Variants in CCDC102B observed in about 807,000 individuals in gnomAD.
The protein encoded by CCDC102B is coiled-coil domain-containing protein 102B.
CCDC102B carries 75 observed loss-of-function variants against 57.4 expected under a neutral mutation model. The observed-to-expected ratio is 1.31, with a 90% confidence interval of 1.08 to 1.58. CCDC102B has a LOEUF of 1.58. Ranked by LOEUF, CCDC102B falls within the 40% of genes most tolerant of loss-of-function variation. The pLI is 0.00. For missense variants in CCDC102B, 636 were observed against 582.6 expected, an observed-to-expected ratio of 1.09 and a Z score of -0.94; for synonymous variants, 206 against 201.9, an observed-to-expected ratio of 1.02 and a Z score of -0.17.
At chr18:68,980,453 T>G (rs1462012313) in intron 6 of CCDC102B, among the ~76,000 whole-genome samples, 1 of 151,896 alleles carries the variant, frequency 6.6e-6, no homozygotes, top group African/African-American at 2.4e-5. Flanking sequence ...GCAGTTTATA[T>G]TATAGGACAT....
intron 6 of CCDC102B, among the ~76,000 whole-genome samples, chr18:68,927,720 C>A (rs1273399078): frequency 2.6e-5 from 4 of 151,866 alleles, no homozygotes; most frequent in Non-Finnish European, 4.4e-5. Context: ...CAGAAATTAC[C>A]CAATGCACTG....
At chr18:69,034,334 A>G (rs1192445308) in intron 7 of CCDC102B, among the ~76,000 whole-genome samples, 1 of 151,888 alleles carries the variant, frequency 6.6e-6, no homozygotes, top group Non-Finnish European at 1.5e-5. Flanking sequence ...TAAGGGTTTT[A>G]TAGTTTTAGC....
At chr18:68,980,857 A>G (rs1308946402) in intron 6 of CCDC102B, among the ~76,000 whole-genome samples, 1 of 152,064 alleles carries the variant, frequency 6.6e-6, no homozygotes, top group Non-Finnish European at 1.5e-5. Context: ...TCGTATGGAC[A>G]CTGGATTTTA....
intron 2 of CCDC102B, chr18:68,754,063 A>G (rs2033958231): frequency 1.3e-5 from 2 of 152,302 alleles, no homozygotes; most frequent in African/African-American, 4.8e-5. Flanking sequence ...CAATCTATCA[A>G]TACTGTTGTA....
intron 7 of CCDC102B, among the ~76,000 whole-genome samples, chr18:69,046,929 A>C (rs996661370): frequency 1.3e-5 from 2 of 151,674 alleles, no homozygotes; most frequent in Non-Finnish European, 2.9e-5. Flanking sequence ...TATTTCTGGG[A>C]TCTCTATTCT....
intron 5 of CCDC102B, among the ~76,000 whole-genome samples, chr18:68,896,533 A>G (rs2040247853): frequency 1.3e-5 from 2 of 151,966 alleles, no homozygotes; most frequent in African/African-American, 4.8e-5. Context: ...CAACAGCTTA[A>G]CTTACCCATT....
At chr18:68,913,310 C>CTGTGTGTGTGTGTG (rs57064090) in intron 6 of CCDC102B, among the ~76,000 whole-genome samples, 16,963 of 135,368 alleles carry the variant, frequency 0.13, 1,298 homozygotes, top group East Asian at 0.25. Flanking sequence ...TGGTTAGTGT[C>CTGTGTGTGTGTGTG]TGTGTGTGTG....
intron 6 of CCDC102B, among the ~76,000 whole-genome samples, chr18:68,907,846 G>A (rs2040701096): frequency 6.6e-6 from 1 of 152,128 alleles, no homozygotes; most frequent in East Asian, 1.9e-4. Context: ...ATGGAAGGAG[G>A]CACGCTTGTA....
rs2037408884 is a variant in CCDC102B at position 68,837,004 on chromosome 18, G to A, written c.241G>A (p.Val81Ile). The A allele has an allele frequency of 6.2e-7, 1 of 1,614,188 alleles. No homozygotes were observed. Among genetic ancestry groups the A allele is most frequent in the Non-Finnish European group, 8.5e-7 (1 of 1,180,046 alleles). ...ACTTCGCCTGCGGGAGCTTGAAGAAGTCAAGGCCAGAGCTGCTCAGATGGA... is the reference window on the plus strand; with the variant it reads ...ACTTCGCCTGCGGGAGCTTGAAGAAATCAAGGCCAGAGCTGCTCAGATGGA... ...EELRLRELEE[V>I]KARAAQMEKT... is the part of the protein sequence containing the mutation. The change falls in exon 2 of 8, where the codon GTC becomes ATC. Residue 81 changes from valine (V) to isoleucine (I), a missense_variant. Physicochemically the swap from Val to Ile is conservative, Grantham distance 29. Coordinates refer to ENST00000360242, the MANE Select transcript of CCDC102B (RefSeq NM_024781.3).
intron 2 of CCDC102B, among the ~76,000 whole-genome samples, chr18:68,734,198 G>C (rs1199807725): frequency 6.6e-6 from 1 of 152,200 alleles, no homozygotes; most frequent in South Asian, 2.1e-4. Flanking sequence ...GGGAGGAACA[G>C]AAGAGAATAG....
At chr18:68,865,973 A>G (rs1005583961) in intron 4 of CCDC102B, among the ~76,000 whole-genome samples, 7 of 152,152 alleles carry the variant, frequency 4.6e-5, no homozygotes, top group African/African-American at 1.7e-4. Flanking sequence ...TGTGTGATCA[A>G]TTTTCTTAAT....
intron 6 of CCDC102B, among the ~76,000 whole-genome samples, chr18:68,927,795 G>C (rs1599704887): frequency 6.6e-6 from 1 of 151,900 alleles, no homozygotes; most frequent in East Asian, 1.9e-4. Flanking sequence ...TATCTAGGGA[G>C]AGAAAGGAGG....
chr18:68,952,615 A>C (rs992549832), intron 6 of CCDC102B, among the ~76,000 whole-genome samples: 1 of 152,110 alleles, frequency 6.6e-6, no homozygotes, highest in Non-Finnish European at 1.5e-5. Context: ...GCCTGTGGTA[A>C]AGAGAAAAGC....
chr18:68,967,877 T>G (rs1156445960), intron 6 of CCDC102B, among the ~76,000 whole-genome samples: 1 of 152,118 alleles, frequency 6.6e-6, no homozygotes, highest in Non-Finnish European at 1.5e-5. Context: ...AGGGAGTCAT[T>G]TTTTGTATAA....
chr18:69,028,520 T>C (rs1337928972), intron 7 of CCDC102B, among the ~76,000 whole-genome samples: 1 of 152,170 alleles, frequency 6.6e-6, no homozygotes, highest in Non-Finnish European at 1.5e-5. Flanking sequence ...CCATCACTCA[T>C]GTAATGACTG....
chr18:68,749,627 G>A (rs916369498), intron 2 of CCDC102B, among the ~76,000 whole-genome samples: 4 of 152,134 alleles, frequency 2.6e-5, no homozygotes, highest in Non-Finnish European at 5.9e-5. Context: ...CACTGATTTT[G>A]TATCCTGAGA....
intron 6 of CCDC102B, among the ~76,000 whole-genome samples, chr18:68,945,091 C>CCTCTCT (rs371719403): frequency 2.1e-5 from 3 of 143,208 alleles, no homozygotes; most frequent in African/African-American, 2.6e-5. Flanking sequence ...TCTCTCTCTG[C>CCTCTCT]CTCTCTCTCT....
chr18:68,946,295 CAATT>C (rs1256001569), intron 6 of CCDC102B, among the ~76,000 whole-genome samples: 1 of 152,012 alleles, frequency 6.6e-6, no homozygotes, highest in Non-Finnish European at 1.5e-5. Context: ...TTCATATAAA[CAATT>C]AACCATCTTC....
chr18:69,032,797 CCCT>C (rs1219145248), intron 7 of CCDC102B, among the ~76,000 whole-genome samples: 1 of 151,994 alleles, frequency 6.6e-6, no homozygotes, highest in Admixed American at 6.6e-5. Flanking sequence ...CAGTGTTAGT[CCCT>C]CAAGGCATCT....
Sources: allele counts gnomAD v4.1 joint callset (sites outside exome capture counted in the v4.1 genomes callset), GRCh38; gene constraint gnomAD v4.1.1; transcripts MANE v1.5; gene names NCBI Gene and HGNC (gene_info 2026-07-23, HGNC 2026-07-21).